Variants in TLN2 observed in about 807,000 individuals in gnomAD.
TLN2 encodes the protein talin 2.
TLN2 carries 118 observed loss-of-function variants against 294.7 expected under a neutral mutation model. The observed-to-expected ratio is 0.40, with a 90% CI of 0.34 to 0.47. The LOEUF (loss-of-function observed/expected upper bound fraction) is 0.47. Ranked by LOEUF, TLN2 falls within the 20% of genes least tolerant of loss-of-function variation. The probability of loss-of-function intolerance (pLI) is 0.84; values close to 1 mark genes in which losing one functional copy is unlikely to be tolerated. For synonymous variants in TLN2, 1,431 were observed against 1,304.5 expected (o/e 1.10, Z -2.09); for missense variants, 3,083 against 3,282.2 (o/e 0.94, Z 1.48).
intron 24 of TLN2, 113 bp from the exon 25 acceptor site, chr15:62,719,654 C>T (rs1358337369): frequency 3.8e-5 from 29 of 756,568 alleles, no homozygotes; most frequent in African/African-American, 1.6e-4. Flanking sequence ...CTGGGGCTGG[C>T]GTCCCCTGGG....
Position 62,653,201 on chromosome 15 carries a change from C to T in TLN2, c.404C>T (p.Thr135Ile), listed in dbSNP as rs140578416. The change falls in exon 7 of 59, where the codon ACT becomes ATT. Residue 135 changes from threonine (T) to isoleucine (I), a missense_variant. Thr to Ile is a moderately conservative substitution (Grantham distance 89). Transcript: ENST00000636159. The part of the protein sequence containing the change: ...NYEEYSLIQE[T>I]IEEKKEEGTG... ...GAAGAATACTCCTTAATCCAAGAAA[C>T]TATTGAAGAAAAGAAAGAGGAAGGA... 580 of 1,605,560 alleles carry T rather than the reference C, an allele frequency of 3.6e-4. 2 individuals are homozygous for T. Among genetic ancestry groups the T allele is most frequent in the Non-Finnish European group, 4.3e-4 (504 of 1,175,890 alleles).
intron 40 of TLN2, among the ~76,000 whole-genome samples, chr15:62,766,056 G>C (rs930903636): frequency 6.6e-6 from 1 of 152,146 alleles, no homozygotes. Context: ...CTAAAGTAAA[G>C]ATACCAGTAG....
intron 9 of TLN2, chr15:62,658,201 C>T (rs930624780): frequency 3.1e-5 from 8 of 255,010 alleles, no homozygotes; most frequent in African/African-American, 1.6e-4. Context: ...AAAAACCGCT[C>T]CAGTAGGGCC....
At chr15:62,538,757 A>T (rs1177140054) in intron 1 of TLN2, among the ~76,000 whole-genome samples, 1 of 152,182 alleles carries the variant, frequency 6.6e-6, no homozygotes, top group Non-Finnish European at 1.5e-5. Context: ...TATCCACTTG[A>T]TAGACTCAGG....
Position 62,465,564 on chromosome 15 carries a change from G to A in TLN2, c.-238+74879G>A, listed in dbSNP as rs74682346. Among the ~76,000 whole-genome samples the A allele has an allele frequency of 1.9e-3, 287 of 152,324 alleles. 6 individuals carry two copies. The East Asian group carries it at 0.038, about 20-fold the overall frequency. On this transcript the variant is annotated intron_variant, in intron 1 of 58. Transcript: ENST00000636159. ...AGGGGTTTAGCCTCTCAGCTAAGTT[G>A]TTGTCTTCCATGGAGCTGTGTAAAC...
At chr15:62,407,262 G>C (rs2033461631) in intron 1 of TLN2, among the ~76,000 whole-genome samples, 1 of 152,142 alleles carries the variant, frequency 6.6e-6, no homozygotes, top group Non-Finnish European at 1.5e-5. Flanking sequence ...AAGCTAAGAT[G>C]TAGCAAGGCT....
chr15:62,422,545 CT>C (rs1216538182), intron 1 of TLN2, among the ~76,000 whole-genome samples: 2 of 152,316 alleles, frequency 1.3e-5, no homozygotes, highest in East Asian at 3.9e-4. Flanking sequence ...TACTATGCAG[CT>C]TTTCAGACCA....
At chr15:62,417,987 G>A (rs1225663738) in intron 1 of TLN2, among the ~76,000 whole-genome samples, 2 of 152,192 alleles carry the variant, frequency 1.3e-5, no homozygotes, top group Non-Finnish European at 2.9e-5. Flanking sequence ...AATGTAGAGA[G>A]GACACATGTT....
intron 32 of TLN2, among the ~76,000 whole-genome samples, chr15:62,744,690 G>T (rs950606752): frequency 1.3e-5 from 2 of 152,088 alleles, no homozygotes; most frequent in African/African-American, 4.8e-5. Context: ...GGGATTACAG[G>T]CGCATGCCAC....
In TLN2 at chr15:62,516,501, G is replaced by A. The variant is rs1254773708; in HGVS notation, c.-237-73186G>A. Among the ~76,000 whole-genome samples, 7 of 152,286 alleles carry A rather than the reference G, an allele frequency of 4.6e-5. No individual in the cohort carries two copies. In the East Asian group the frequency reaches 1.2e-3, roughly 25 times the overall value. On this transcript the variant is annotated intron_variant, in intron 1 of 58. Coordinates refer to ENST00000636159, the MANE Select transcript of TLN2 (RefSeq NM_015059.3). ...CAAATAAGACAAAATGTGTCTGTCA[G>A]GTGAAGGAACATATTCACTCTATGG...
intron 1 of TLN2, among the ~76,000 whole-genome samples, chr15:62,569,705 C>G (rs1282310738): frequency 6.6e-6 from 1 of 152,188 alleles, no homozygotes; most frequent in Non-Finnish European, 1.5e-5. Context: ...CTGTGGAAAA[C>G]AGAAGTTGGG....
chr15:62,747,190 G>A (rs952473175), intron 32 of TLN2, among the ~76,000 whole-genome samples: 14 of 152,102 alleles, frequency 9.2e-5, no homozygotes, highest in African/African-American at 1.9e-4. Flanking sequence ...ATTAAACAGC[G>A]GCTGTCCAGG....
At chr15:62,525,156 G>C (rs959475052) in intron 1 of TLN2, among the ~76,000 whole-genome samples, 2 of 152,214 alleles carry the variant, frequency 1.3e-5, no homozygotes, top group African/African-American at 2.4e-5. Flanking sequence ...TGTAGCTGCA[G>C]ATCTTACCCT....
chr15:62,616,893 A>G (rs1379675249), intron 2 of TLN2, among the ~76,000 whole-genome samples: 1 of 152,216 alleles, frequency 6.6e-6, no homozygotes, highest in African/African-American at 2.4e-5. Context: ...TTAAATGAGC[A>G]GTGCAGAGAT....
chr15:62,826,493 C>T (rs947207526), intron 54 of TLN2, among the ~76,000 whole-genome samples: 3 of 152,182 alleles, frequency 2.0e-5, no homozygotes, highest in African/African-American at 4.8e-5. Flanking sequence ...GGCCAGCTGT[C>T]CATGCCTGGC....
At chr15:62,695,188 C>T (rs117500683) in intron 14 of TLN2, among the ~76,000 whole-genome samples, 3,706 of 152,236 alleles carry the variant, frequency 0.024, 74 homozygotes, top group South Asian at 0.051. Context: ...CCTATCCAGA[C>T]ATCCCTTTTA....
At chr15:62,508,278 G>A (rs1340012129) in intron 1 of TLN2, among the ~76,000 whole-genome samples, 1 of 152,096 alleles carries the variant, frequency 6.6e-6, no homozygotes, top group Non-Finnish European at 1.5e-5. Flanking sequence ...GTGCAGTGGT[G>A]TGATCTTGAC....
At chr15:62,834,626 A>C (rs949399018) in intron 55 of TLN2, 4 of 152,190 alleles carry the variant, frequency 2.6e-5, no homozygotes, top group Admixed American at 1.3e-4. Context: ...GTATTGGTCC[A>C]TGTCCGTCTC....
intron 32 of TLN2, among the ~76,000 whole-genome samples, chr15:62,744,274 C>T: frequency 6.6e-6 from 1 of 152,194 alleles, no homozygotes; most frequent in Admixed American, 6.5e-5. Context: ...TGCCGGGTGT[C>T]CCGCCCTGGT....
Sources: allele counts gnomAD v4.1 joint callset (sites outside exome capture counted in the v4.1 genomes callset), GRCh38; gene constraint gnomAD v4.1.1; transcripts MANE v1.5; gene names NCBI Gene and HGNC (gene_info 2026-07-23, HGNC 2026-07-21).